MYPN: variants seen among roughly 807,000 people sequenced by gnomAD.
The protein encoded by MYPN is myopalladin, also known as sarcomeric protein myopalladin, 145 kDa (MYOP).
Under a neutral mutation model 129.4 loss-of-function variants are expected in MYPN, and 63 were observed. The observed-to-expected ratio is 0.49, with a 90% CI of 0.40 to 0.60. The LOEUF (loss-of-function observed/expected upper bound fraction) is 0.60. Among genes scored for constraint, MYPN ranks in the 20% least tolerant of loss-of-function variants. MYPN has a pLI of 0.00. For missense variants in MYPN, 1,596 were observed against 1,635.4 expected, an observed-to-expected ratio of 0.98 and a Z score of 0.42; for synonymous variants, 629 against 600.9, an observed-to-expected ratio of 1.05 and a Z score of -0.68.
intron 10 of MYPN, among the ~76,000 whole-genome samples, chr10:68,169,538 C>G (rs1490965293): frequency 6.6e-6 from 1 of 152,116 alleles, no homozygotes; most frequent in Non-Finnish European, 1.5e-5. Context: ...TTTTCTCTCA[C>G]ATAAAGTAGA....
intron 6 of MYPN, among the ~76,000 whole-genome samples, chr10:68,151,080 C>T (rs1352365856): frequency 2.0e-5 from 3 of 152,088 alleles, no homozygotes; most frequent in Non-Finnish European, 4.4e-5. Flanking sequence ...TGACAGCCCC[C>T]CACAACAAAA....
At chr10:68,188,697 A>G (rs574197680) in intron 12 of MYPN, among the ~76,000 whole-genome samples, 66 of 152,308 alleles carry the variant, frequency 4.3e-4, no homozygotes, top group Middle Eastern at 3.4e-3. Flanking sequence ...ATCAGGATTC[A>G]CTAAGGCCGT....
chr10:68,105,489 T>G (rs1209587067), upstream of MYPN, among the ~76,000 whole-genome samples: 1 of 152,218 alleles, frequency 6.6e-6, no homozygotes, highest in Non-Finnish European at 1.5e-5. Context: ...ATGGTAACAA[T>G]TGTTCCAGAT....
At chr10:68,173,985 A>T in intron 10 of MYPN, 81 bp from the exon 11 acceptor site, 2 of 1,169,214 alleles carry the variant, frequency 1.7e-6, no homozygotes, top group South Asian at 1.2e-5. Flanking sequence ...AGTTATAAAC[A>T]GTCTGTCTGA....
chr10:68,196,066 A>C (rs1333873551), intron 15 of MYPN, among the ~76,000 whole-genome samples: 1 of 152,126 alleles, frequency 6.6e-6, no homozygotes, highest in Non-Finnish European at 1.5e-5. Flanking sequence ...TGGCCTCCCA[A>C]AGTGCTAGGA....
At chr10:68,162,814 A>G (rs2042998780) in intron 8 of MYPN, among the ~76,000 whole-genome samples, 1 of 152,166 alleles carries the variant, frequency 6.6e-6, no homozygotes, top group African/African-American at 2.4e-5. Context: ...AAAATTAGCC[A>G]GGATAGGGTT....
Position 68,165,714 on chromosome 10 carries a change from C to T in MYPN, c.1496C>T (p.Thr499Ile). The T allele has an allele frequency of 6.2e-7, 1 of 1,614,000 alleles. No individual in the cohort carries two copies. The highest frequency in any genetic ancestry group is 1.1e-5 in the South Asian group (1 of 91,070). ...RSMAEPEEIC[T>I]LVIAEVFAED... is the part of the protein sequence containing the mutation. ...CACTGGCATATAGAGGAGATTTGCACCTTGGTCATTGCTGAGGTGTTTGCA... is the reference window on the plus strand; with the variant it reads ...CACTGGCATATAGAGGAGATTTGCATCTTGGTCATTGCTGAGGTGTTTGCA... Residue 499 changes from threonine to isoleucine, a missense_variant, in exon 9 of 20, where the codon ACC becomes ATC. Coordinates refer to ENST00000358913, the MANE Select transcript of MYPN (RefSeq NM_032578.4).
intron 6 of MYPN, among the ~76,000 whole-genome samples, chr10:68,155,666 G>A (rs1215306324): frequency 1.3e-5 from 2 of 152,162 alleles, no homozygotes; most frequent in Non-Finnish European, 1.5e-5. Flanking sequence ...GTTCTAATAG[G>A]GTAACTGGTT....
In MYPN at chr10:68,153,212, C is replaced by T. The variant is rs371878815; in HGVS notation, c.1317+3101C>T. On this transcript the variant is annotated intron_variant, in intron 6 of 19. Coordinates refer to ENST00000358913, the MANE Select transcript of MYPN (RefSeq NM_032578.4). ...TGTTGCCCTGGCTGGTCTGGAACTC[C>T]GATCTCAGGTAATCCGCCCACCTCA... Among the ~76,000 whole-genome samples the T allele has an allele frequency of 5.9e-5, 9 of 151,702 alleles. No homozygotes were observed. The East Asian group carries it at 1.6e-3, about 26-fold the overall frequency.
rs201454261 is a variant in MYPN, at chr10:68,122,240, C to A, written c.802C>A (p.Pro268Thr). The A allele has an allele frequency of 1.2e-5, 19 of 1,612,738 alleles. No individual in the cohort carries two copies. The highest frequency in any genetic ancestry group is 1.6e-5 in the Non-Finnish European group (19 of 1,179,410). The change falls in exon 2 of 20, where the codon CCT becomes ACT. Residue 268 changes from proline to threonine, a missense_variant. Pro to Thr is a conservative substitution (Grantham distance 38). Transcript: ENST00000358913. ...SLYYEEPLGQ[P>T]PRFTQKLRSR... ...GTACTATGAAGAACCTCTGGGGCAACCTCCCCGGTTCACTCAAAAGTTACG... is the reference window on the plus strand; with the variant it reads ...GTACTATGAAGAACCTCTGGGGCAAACTCCCCGGTTCACTCAAAAGTTACG...
chr10:68,160,688 G>A (rs887353892), intron 7 of MYPN, among the ~76,000 whole-genome samples: 11 of 151,762 alleles, frequency 7.2e-5, no homozygotes, highest in African/African-American at 2.4e-4. Flanking sequence ...AGGCTGAGGC[G>A]GGCGGATCAC....
chr10:68,210,234 A>T, intron 19 of MYPN, 52 bp from the exon 20 acceptor site: 1 of 1,600,728 alleles, frequency 6.2e-7, no homozygotes, highest in Non-Finnish European at 8.5e-7. Flanking sequence ...TGCAGCGTAC[A>T]TGCTGGACTG....
At chr10:68,170,379 ATATG>A (rs1292135520) in intron 10 of MYPN, among the ~76,000 whole-genome samples, 1 of 152,162 alleles carries the variant, frequency 6.6e-6, no homozygotes, top group Non-Finnish European at 1.5e-5. Context: ...TCTCTTGTAT[ATATG>A]TATATGTTTA....
upstream of MYPN, among the ~76,000 whole-genome samples, chr10:68,108,685 G>A (rs1247661728): frequency 5.3e-5 from 8 of 151,836 alleles, no homozygotes; most frequent in Non-Finnish European, 1.2e-4. Flanking sequence ...AAGCAATCAG[G>A]TTAACTTTTT....
At chr10:68,131,204 C>T (rs1011818628) in intron 2 of MYPN, among the ~76,000 whole-genome samples, 3 of 152,102 alleles carry the variant, frequency 2.0e-5, no homozygotes, top group African/African-American at 7.2e-5. Context: ...GCCTGGCCAA[C>T]ATGGTGAAAC....
chr10:68,111,698 C>T (rs1381573839), intron 1 of MYPN, among the ~76,000 whole-genome samples: 1 of 152,216 alleles, frequency 6.6e-6, no homozygotes, highest in Admixed American at 6.5e-5. Context: ...TATTTACCTG[C>T]AGTAGCTATA....
At chr10:68,158,289 G>T (rs959218922) in intron 6 of MYPN, 197 bp from the exon 7 acceptor site, 3 of 585,772 alleles carry the variant, frequency 5.1e-6, no homozygotes, top group Non-Finnish European at 9.0e-6. Context: ...AGCCACGCTC[G>T]CCTGCTAGAG....
intron 1 of MYPN, among the ~76,000 whole-genome samples, chr10:68,119,206 A>C (rs1360974400): frequency 6.6e-6 from 1 of 152,098 alleles, no homozygotes; most frequent in Non-Finnish European, 1.5e-5. Context: ...TTCATATACT[A>C]TTTTGTGTAT....
chr10:68,177,056 T>C (rs910110907), intron 12 of MYPN, among the ~76,000 whole-genome samples: 2 of 152,248 alleles, frequency 1.3e-5, no homozygotes, highest in Non-Finnish European at 2.9e-5. Context: ...AAAACAATGC[T>C]AGCTTGCACA....
Sources: gnomAD v4.1 joint callset for allele counts (sites outside exome capture counted in the v4.1 genomes callset) on GRCh38, gnomAD v4.1.1 for gene constraint, MANE v1.5 for transcripts, NCBI Gene and HGNC (gene_info 2026-07-23, HGNC 2026-07-21) for gene names.